The following WDFY3 variants were observed in gnomAD, a reference collection of about 807,000 sequenced individuals.
The protein encoded by WDFY3 is WD repeat and FYVE domain-containing protein 3.
Under a neutral mutation model 409.6 loss-of-function variants are expected in WDFY3, and 66 were observed. The observed-to-expected ratio is 0.16, with a 90% CI of 0.13 to 0.20. WDFY3 has a LOEUF of 0.20. Ranked by LOEUF, WDFY3 falls within the 10% of genes least tolerant of loss-of-function variation. The pLI, the probability that WDFY3 is intolerant of heterozygous loss-of-function variation, is 1.00. For missense variants in WDFY3, 3,031 were observed against 4,298.1 expected (o/e 0.71, Z 8.24); for synonymous variants, 1,521 against 1,537.1 (o/e 0.99, Z 0.25).
intron 32 of WDFY3, among the ~76,000 whole-genome samples, chr4:84,764,603 T>C (rs1743281609): frequency 1.3e-5 from 2 of 152,106 alleles, no homozygotes; most frequent in South Asian, 4.1e-4. Flanking sequence ...GGCTCACGCC[T>C]GTAATCCCAG....
chr4:84,956,178 G>A (rs576743144), intron 1 of WDFY3, among the ~76,000 whole-genome samples: 1 of 152,288 alleles, frequency 6.6e-6, no homozygotes, highest in South Asian at 2.1e-4. Context: ...GCTGGGCCTG[G>A]TATTAATTGG....
chr4:84,869,996 C>A (rs1761935516), intron 3 of WDFY3, among the ~76,000 whole-genome samples: 1 of 152,168 alleles, frequency 6.6e-6, no homozygotes, highest in African/African-American at 2.4e-5. Context: ...TATAAGTCAA[C>A]AAGAAGCTAT....
chr4:84,953,430 C>T (rs1228581350), intron 1 of WDFY3, among the ~76,000 whole-genome samples: 3 of 152,036 alleles, frequency 2.0e-5, no homozygotes, highest in African/African-American at 7.2e-5. Flanking sequence ...CTGCTTTTGA[C>T]ACAGGGGAAA....
At chr4:84,736,973 T>C (rs184349999) in intron 41 of WDFY3, among the ~76,000 whole-genome samples, 6 of 148,652 alleles carry the variant, frequency 4.0e-5, no homozygotes, top group Admixed American at 2.7e-4. Context: ...AAACGCCTGA[T>C]GTATAACATA....
chr4:84,810,243 T>A lies in WDFY3; in HGVS notation c.1989A>T (p.Arg663Ser), dbSNP rs1752260773. 1.9e-6 allele frequency: 3 copies of A among 1,614,078 alleles called. No homozygotes were observed. Among genetic ancestry groups the A allele is most frequent in the Non-Finnish European group, 2.5e-6 (3 of 1,179,984 alleles). The stretch of plus-strand genomic sequence containing the variant: ...CATTCTTGGGTGGACAGCTCAAAGA[T>A]CTTTCCATAGCAACGAGCAAGGATG... ...YITSLLVAME[R>S]SLSCPPKNGW... The change falls in exon 14 of 68, where the codon AGA becomes AGT. Residue 663 changes from arginine (R) to serine (S), a missense_variant. Arg to Ser is a moderately radical substitution (Grantham distance 110). This residue lies in a region of WDFY3 where 1,322 missense variants were observed against 1,697.9 expected (regional missense o/e 0.78). Coordinates refer to ENST00000295888, the MANE Select transcript of WDFY3 (RefSeq NM_014991.6).
At chr4:84,750,571 C>T (rs1419551416) in intron 36 of WDFY3, among the ~76,000 whole-genome samples, 1 of 152,106 alleles carries the variant, frequency 6.6e-6, no homozygotes, top group African/African-American at 2.4e-5. Context: ...TTTCATAAAA[C>T]ATGTTATTTT....
At chr4:84,673,485 A>G (rs1161238451) in intron 67 of WDFY3, among the ~76,000 whole-genome samples, 1 of 152,208 alleles carries the variant, frequency 6.6e-6, no homozygotes, top group Non-Finnish European at 1.5e-5. Context: ...TCTAATTTCC[A>G]AAAGAAATAT....
At chr4:84,810,388 C>CAA (rs377016613) in intron 13 of WDFY3, 44 bp from the exon 14 acceptor site, 1,084 of 836,408 alleles carry the variant, frequency 1.3e-3, no homozygotes, top group South Asian at 1.4e-3. Flanking sequence ...ACACATAATT[C>CAA]AAAAAAAAAA....
chr4:84,901,559 G>A (rs1190966328), intron 2 of WDFY3, among the ~76,000 whole-genome samples: 1 of 152,098 alleles, frequency 6.6e-6, no homozygotes, highest in Non-Finnish European at 1.5e-5. Flanking sequence ...CCAGTTTCAG[G>A]TATTCTGTTT....
chr4:84,964,236 G>A (rs893069678), intron 1 of WDFY3, among the ~76,000 whole-genome samples: 1 of 152,214 alleles, frequency 6.6e-6, no homozygotes, highest in African/African-American at 2.4e-5. Context: ...GAGAGGCTAA[G>A]GCAGGAGGAT....
At chr4:84,695,448 C>CGTGTGTGT (rs150816589) in intron 58 of WDFY3, among the ~76,000 whole-genome samples, 77 of 136,108 alleles carry the variant, frequency 5.7e-4, no homozygotes, top group South Asian at 2.0e-3. Context: ...ATTTGGGTCC[C>CGTGTGTGT]GTGTGTGTGT....
chr4:84,721,301 T>C, intron 47 of WDFY3, 108 bp downstream of exon 47: 3 of 1,438,424 alleles, frequency 2.1e-6, no homozygotes, highest in East Asian at 2.3e-5. Flanking sequence ...CTGTATTTTA[T>C]TACCGAGGCT....
At chr4:84,893,863 G>A (rs916106652) in intron 3 of WDFY3, among the ~76,000 whole-genome samples, 3 of 151,962 alleles carry the variant, frequency 2.0e-5, no homozygotes, top group African/African-American at 4.8e-5. Context: ...GGTGGCCAGC[G>A]CCTGTAATCC....
intron 6 of WDFY3, 56 bp downstream of exon 6, chr4:84,841,098 A>G (rs765831592): frequency 1.4e-5 from 19 of 1,324,268 alleles, no homozygotes; most frequent in Non-Finnish European, 2.0e-5. Flanking sequence ...TAAAATCACA[A>G]GAGAGGCTAT....
In WDFY3 at chr4:84,684,124, C is replaced by A; in HGVS notation, c.9545G>T (p.Gly3182Val). Reference sequence around the variant, plus strand: ...TGTGCCAGCGCAGGACACAATGTCCCCCTGAGAAGAGAGAGAAAAACGTCA... The same window carrying A: ...TGTGCCAGCGCAGGACACAATGTCCACCTGAGAAGAGAGAGAAAAACGTCA... The part of the protein sequence containing the change: ...VSALCINELT[G>V]DIVSCAGTYI... The change falls in exon 63 of 68, where the codon GGG becomes GTG. Residue 3182 changes from glycine (G) to valine (V), a missense_variant and splice_region_variant. Physicochemically the swap from Gly to Val is moderately radical, Grantham distance 109. Transcript: ENST00000295888. The A allele has an allele frequency of 6.5e-7, 1 of 1,547,174 alleles. No individual in the cohort carries two copies. The highest frequency in any genetic ancestry group is 8.8e-7 in the Non-Finnish European group (1 of 1,135,166).
intron 51 of WDFY3, among the ~76,000 whole-genome samples, chr4:84,712,863 C>T (rs1733167946): frequency 6.6e-6 from 1 of 152,128 alleles, no homozygotes; most frequent in Non-Finnish European, 1.5e-5. Context: ...TTAAATATAA[C>T]ACTGAATAGA....
intron 2 of WDFY3, among the ~76,000 whole-genome samples, chr4:84,901,497 C>T (rs1044972041): frequency 6.6e-6 from 1 of 152,178 alleles, no homozygotes; most frequent in African/African-American, 2.4e-5. Flanking sequence ...TGATCTTGGA[C>T]TTTTCAGTCT....
At chr4:84,801,265 G>A (rs1469254043) in intron 17 of WDFY3, among the ~76,000 whole-genome samples, 1 of 152,126 alleles carries the variant, frequency 6.6e-6, no homozygotes, top group Non-Finnish European at 1.5e-5. Context: ...AAAGAGCACA[G>A]GAAAACTCTT....
At chr4:84,871,006 A>G (rs1762063321) in intron 3 of WDFY3, among the ~76,000 whole-genome samples, 1 of 152,132 alleles carries the variant, frequency 6.6e-6, no homozygotes. Flanking sequence ...AAGATAGGTC[A>G]ACAGAAACTT....
Sources: allele counts gnomAD v4.1 joint callset (sites outside exome capture counted in the v4.1 genomes callset), GRCh38; gene constraint gnomAD v4.1.1; regional missense constraint gnomAD v4.1.1; transcripts MANE v1.5; gene names NCBI Gene and HGNC (gene_info 2026-07-23, HGNC 2026-07-21).